The following NRG3 variants were observed in gnomAD, a reference collection of about 807,000 sequenced individuals.
The protein encoded by NRG3 is neuregulin 3.
NRG3 carries 31 observed loss-of-function variants against 66.9 expected under a neutral mutation model. The ratio of observed to expected loss-of-function variants is 0.46; its 90% CI spans 0.35 to 0.63. The LOEUF (loss-of-function observed/expected upper bound fraction) is 0.63. Among genes scored for constraint, NRG3 ranks in the 20% least tolerant of loss-of-function variants. NRG3 has a pLI of 0.00. For missense variants in NRG3, 910 were observed against 878.9 expected, an observed-to-expected ratio of 1.04 and a Z score of -0.45; for synonymous variants, 393 against 359.4, an observed-to-expected ratio of 1.09 and a Z score of -1.06.
intron 4 of NRG3, among the ~76,000 whole-genome samples, chr10:82,914,763 C>T (rs1923569): frequency 0.3 from 44,080 of 147,292 alleles, 6,732 homozygotes; most frequent in East Asian, 0.53. Flanking sequence ...TTTTTTTTTT[C>T]CCCACACCCC....
chr10:81,883,768 G>T (rs1842384762), intron 1 of NRG3, among the ~76,000 whole-genome samples: 1 of 152,140 alleles, frequency 6.6e-6, no homozygotes, highest in Non-Finnish European at 1.5e-5. Context: ...TTGCCAGGGA[G>T]CTAGAAATCC....
intron 4 of NRG3, among the ~76,000 whole-genome samples, chr10:82,934,669 C>T (rs1847891503): frequency 6.6e-6 from 1 of 152,260 alleles, no homozygotes. Context: ...TGTTTCTCAT[C>T]TAGCATCCTA....
At position 82,880,529 on chromosome 10, in the gene NRG3, T is replaced by A. The variant is rs1202607621; in HGVS notation, c.1054+15092T>A. On this transcript the variant is annotated intron_variant, in intron 4 of 8. Transcript: ENST00000372141. ...GAATAATAATCCAGATCAAAATGTC[T>A]CTAAAGCTTGAACTATTCCCATAAT... is the stretch of plus-strand genomic sequence containing the variant. 2.0e-5 allele frequency among the ~76,000 whole-genome samples: 3 copies of A among 152,190 alleles called. No individual in the cohort carries two copies. The East Asian group carries it at 5.8e-4, about 29-fold the overall frequency.
At chr10:82,355,524 C>G (rs2083718976) in intron 1 of NRG3, among the ~76,000 whole-genome samples, 1 of 152,116 alleles carries the variant, frequency 6.6e-6, no homozygotes, top group African/African-American at 2.4e-5. Flanking sequence ...ATTAGCATCT[C>G]TTTAGTAGGC....
intron 1 of NRG3, among the ~76,000 whole-genome samples, chr10:82,240,340 CCAA>C (rs1424670585): frequency 6.6e-6 from 1 of 151,790 alleles, no homozygotes; most frequent in African/African-American, 2.4e-5. Context: ...TATTTCTTTT[CCAA>C]ATATGAAGAT....
intron 1 of NRG3, among the ~76,000 whole-genome samples, chr10:82,327,904 G>A (rs560681916): frequency 1.3e-5 from 2 of 152,220 alleles, no homozygotes; most frequent in Admixed American, 1.3e-4. Context: ...TCCTCTCATA[G>A]CAATTCTCTA....
intron 2 of NRG3, among the ~76,000 whole-genome samples, chr10:82,384,138 A>G (rs7083166): frequency 0.41 from 62,538 of 151,980 alleles, 15,952 homozygotes; most frequent in African/African-American, 0.72. Flanking sequence ...AATATTGACA[A>G]ACTTATTTAA....
intron 1 of NRG3, among the ~76,000 whole-genome samples, chr10:81,921,262 ATTAT>A (rs1286987641): frequency 6.6e-6 from 1 of 152,006 alleles, no homozygotes; most frequent in East Asian, 1.9e-4. Flanking sequence ...TGCTAATTGT[ATTAT>A]TTATTTGTAT....
rs745434356 is a variant in NRG3 at position 82,985,090 on chromosome 10, T to G, written c.1584-8T>G. 6.2e-7 allele frequency: 1 copy of G among 1,611,444 alleles called. No individual in the cohort carries two copies. Among genetic ancestry groups the G allele is most frequent in the South Asian group, 1.1e-5 (1 of 90,680 alleles). ...AGCAGAAGGAGTAACACTGTGTTTC[T>G]TTTTCAGGTATTCATCCAGTGGTTT... On this transcript the variant is annotated splice_polypyrimidine_tract_variant and splice_region_variant and intron_variant, in intron 8 of 8. Coordinates refer to ENST00000372141, the MANE Select transcript of NRG3 (RefSeq NM_001010848.4).
intron 2 of NRG3, among the ~76,000 whole-genome samples, chr10:82,402,977 TG>T (rs2087220780): frequency 6.6e-6 from 1 of 152,186 alleles, no homozygotes; most frequent in African/African-American, 2.4e-5. Flanking sequence ...TCAAAGCAAC[TG>T]TTGTTCATAG....
At chr10:82,055,911 C>T (rs2063824886) in intron 1 of NRG3, among the ~76,000 whole-genome samples, 1 of 152,122 alleles carries the variant, frequency 6.6e-6, no homozygotes, top group African/African-American at 2.4e-5. Context: ...CTTTGAATTT[C>T]TCCTTTTGTT....
chr10:82,307,714 T>C (rs2080818832), intron 1 of NRG3, among the ~76,000 whole-genome samples: 2 of 152,002 alleles, frequency 1.3e-5, no homozygotes, highest in South Asian at 4.1e-4. Context: ...CAAAAGTAAT[T>C]GCAGGTTTTG....
At chr10:82,185,389 T>G (rs2073741243) in intron 1 of NRG3, among the ~76,000 whole-genome samples, 1 of 152,154 alleles carries the variant, frequency 6.6e-6, no homozygotes, top group African/African-American at 2.4e-5. Context: ...TCTTTCTTCT[T>G]GTTTTTCCAT....
intron 1 of NRG3, among the ~76,000 whole-genome samples, chr10:82,273,761 G>A (rs930661631): frequency 6.6e-6 from 1 of 151,896 alleles, no homozygotes; most frequent in Admixed American, 6.6e-5. Flanking sequence ...TAACCCAAAA[G>A]TAGAAGAAAA....
At chr10:82,631,571 A>C (rs2049836041) in intron 2 of NRG3, among the ~76,000 whole-genome samples, 1 of 149,628 alleles carries the variant, frequency 6.7e-6, no homozygotes, top group African/African-American at 2.5e-5. Flanking sequence ...GGGCATCCCC[A>C]GATGCCTTCA....
At chr10:82,731,382 A>AAAAAAG (rs2057897198) in intron 2 of NRG3, among the ~76,000 whole-genome samples, 1 of 145,904 alleles carries the variant, frequency 6.9e-6, no homozygotes, top group African/African-American at 2.5e-5. Context: ...AAAAAAAAAA[A>AAAAAAG]AAAAGAAAAT....
At chr10:82,379,040 T>C (rs1363227235) in intron 2 of NRG3, among the ~76,000 whole-genome samples, 1 of 152,112 alleles carries the variant, frequency 6.6e-6, no homozygotes, top group East Asian at 1.9e-4. Context: ...AGGCAGCCAT[T>C]TCCCCATCCT....
At chr10:82,058,746 G>A (rs1314379884) in intron 1 of NRG3, among the ~76,000 whole-genome samples, 1 of 151,834 alleles carries the variant, frequency 6.6e-6, no homozygotes, top group East Asian at 1.9e-4. Flanking sequence ...CAGGCCTTGA[G>A]AACAAAAATG....
chr10:82,985,272 C>T lies in NRG3; in HGVS notation c.1758C>T (p.Cys586=). The change falls in exon 9 of 9, where the codon TGC becomes TGT. Residue 586 remains cysteine (C), a synonymous_variant. Coordinates refer to ENST00000372141, the MANE Select transcript of NRG3 (RefSeq NM_001010848.4). ...CTTCAGTGGGTTTAGAGGAAACCTG[C>T]CTGCAAATGCCAGGGATTTCTGAAG... The part of the protein sequence containing the change: ...IIPSVGLEET[C]LQMPGISEVK... 1 of 1,614,110 alleles carries T rather than the reference C, an allele frequency of 6.2e-7. No individual in the cohort carries two copies. Among genetic ancestry groups the T allele is most frequent in the African/African-American group, 1.3e-5 (1 of 75,024 alleles).
Sources: gnomAD v4.1 joint callset for allele counts (sites outside exome capture counted in the v4.1 genomes callset) on GRCh38, gnomAD v4.1.1 for gene constraint, MANE v1.5 for transcripts, NCBI Gene and HGNC (gene_info 2026-07-23, HGNC 2026-07-21) for gene names.